FRMPD4: variants seen among roughly 807,000 people sequenced by gnomAD.
FRMPD4 encodes FERM and PDZ domain containing 4.
FRMPD4 carries 22 observed loss-of-function variants against 94.1 expected under a neutral mutation model. That is an observed-to-expected ratio of 0.23 (90% CI 0.17 to 0.33). The LOEUF is 0.33. Among genes scored for constraint, FRMPD4 ranks in the 10% least tolerant of loss-of-function variants. The pLI, the probability that FRMPD4 is intolerant of heterozygous loss-of-function variation, is 1.00. For synonymous variants in FRMPD4, 631 were observed against 548.6 expected (o/e 1.15, Z -2.10); for missense variants, 1,111 against 1,339.9 (o/e 0.83, Z 2.67).
intron 1 of FRMPD4, among the ~76,000 whole-genome samples, chrX:12,420,157 G>A (rs2056863820): frequency 9.0e-6 from 1 of 111,516 alleles, no homozygotes; most frequent in Non-Finnish European, 1.9e-5. Flanking sequence ...ACTCTGTCTA[G>A]TTGCCCATAC....
intron 3 of FRMPD4, among the ~76,000 whole-genome samples, chrX:11,900,045 A>C (rs1286234804): frequency 8.9e-6 from 1 of 112,124 alleles, no homozygotes; most frequent in African/African-American, 3.2e-5. Context: ...CTCCCTATGC[A>C]CAGGGCTTAC....
intron 3 of FRMPD4, among the ~76,000 whole-genome samples, chrX:11,993,633 C>T (rs1488547704): frequency 3.6e-5 from 4 of 112,437 alleles, no homozygotes; most frequent in Non-Finnish European, 5.6e-5. Context: ...ATTACTATGT[C>T]TATCTTGAGC....
chrX:12,418,483 T>C (rs769158780), intron 1 of FRMPD4, among the ~76,000 whole-genome samples: 1 of 106,979 alleles, frequency 9.3e-6, no homozygotes, highest in African/African-American at 3.4e-5. Flanking sequence ...CTCAGCCTCC[T>C]GAGTAGCTGG....
In FRMPD4 at chrX:12,410,997, C is replaced by G. The variant is rs150471040; in HGVS notation, c.42-87683C>G. On this transcript the variant is annotated intron_variant, in intron 1 of 16. Coordinates refer to ENST00000675598, the MANE Select transcript of FRMPD4 (RefSeq NM_001368397.1). ...TCCTAAAACTTCATCGCATTCAGAA[C>G]CCCTTCTGAGTGCCTTTTTGACTCA... Among the ~76,000 whole-genome samples, 6 of 111,924 alleles carry G rather than the reference C, an allele frequency of 5.4e-5. No homozygotes were observed. The East Asian group carries it at 1.7e-3, about 31-fold the overall frequency.
intron 1 of FRMPD4, among the ~76,000 whole-genome samples, chrX:12,329,481 C>A (rs989330196): frequency 1.8e-5 from 2 of 110,919 alleles, no homozygotes; most frequent in East Asian, 5.6e-4. Flanking sequence ...CAGAGAAAAA[C>A]CTTTTCTTCT....
intron 1 of FRMPD4, among the ~76,000 whole-genome samples, chrX:11,861,164 G>A (rs750207948): frequency 1.8e-4 from 20 of 111,473 alleles, no homozygotes; most frequent in Non-Finnish European, 3.6e-4. Flanking sequence ...TTGACACTGA[G>A]GTCTGAGATA....
At chrX:11,865,370 T>C (rs2053712330) in intron 2 of FRMPD4, among the ~76,000 whole-genome samples, 5 of 111,888 alleles carry the variant, frequency 4.5e-5, no homozygotes, top group Admixed American at 2.8e-4. Context: ...CATGAAAATA[T>C]GTTACCTTGT....
At position 11,970,450 on chromosome X, in the gene FRMPD4, T is replaced by G. The variant is rs758353468; in HGVS notation, c.95+92432T>G. ...ATCCATGCTCCGTCATTGGGGCAAA[T>G]ACACAATCACACTGACTCTACCTAG... On this transcript the variant is annotated intron_variant, in intron 3 of 18. Coordinates refer to the FRMPD4 transcript ENST00000640291. 8.9e-5 allele frequency among the ~76,000 whole-genome samples: 10 copies of G among 112,228 alleles called. No homozygotes were observed. The East Asian group carries it at 2.8e-3, about 31-fold the overall frequency.
chrX:12,203,125 C>T (rs148666249), intron 1 of FRMPD4, among the ~76,000 whole-genome samples: 1 of 112,020 alleles, frequency 8.9e-6, no homozygotes, highest in African/African-American at 3.2e-5. Flanking sequence ...TAGTGTTTCT[C>T]ATTCCCCTGG....
chrX:12,700,959 TAAG>T (rs1000190520), intron 9 of FRMPD4, among the ~76,000 whole-genome samples: 32 of 110,728 alleles, frequency 2.9e-4, no homozygotes, highest in Non-Finnish European at 5.7e-4. Context: ...CTGTGGCTGA[TAAG>T]GAGGAGGAGG....
chrX:12,645,741 T>C (rs2059542405), intron 4 of FRMPD4, among the ~76,000 whole-genome samples: 1 of 111,545 alleles, frequency 9.0e-6, no homozygotes, highest in Non-Finnish European at 1.9e-5. Flanking sequence ...CTTACCTAGT[T>C]GAAAATTAAT....
At position 12,086,921 on chromosome X, in the gene FRMPD4, A is replaced by AGGTCCCC. The variant is rs201631552; in HGVS notation, c.95+208904_95+208910dup. On this transcript the variant is annotated intron_variant, in intron 3 of 18. Coordinates refer to the FRMPD4 transcript ENST00000640291. ...ACTGTTTCTTGGTACTATAAGACTG[A>AGGTCCCC]GGTCCCCACTCTCTTGCTGGCTGTC... 5.7e-3 allele frequency among the ~76,000 whole-genome samples: 628 copies of AGGTCCCC among 111,132 alleles called. 15 individuals carry two copies. The highest frequency in any genetic ancestry group is 0.056 in the Admixed American group (589 of 10,428).
intron 2 of FRMPD4, among the ~76,000 whole-genome samples, chrX:11,873,508 C>A (rs1028742991): frequency 9.0e-6 from 1 of 110,613 alleles, no homozygotes; most frequent in Non-Finnish European, 1.9e-5. Context: ...GAATGTTACT[C>A]TTTGCTGCCC....
At chrX:12,266,631 C>A (rs1024502447) in intron 1 of FRMPD4, among the ~76,000 whole-genome samples, 1 of 111,879 alleles carries the variant, frequency 8.9e-6, no homozygotes, top group Non-Finnish European at 1.9e-5. Context: ...GCAAAGTTAC[C>A]TTACTCGGAC....
chrX:12,720,419 GC>G, intron 16 of FRMPD4, 114 bp from the exon 17 acceptor site: 1 of 746,820 alleles, frequency 1.3e-6, no homozygotes, highest in Non-Finnish European at 2.0e-6. Flanking sequence ...AGCATCGGCA[GC>G]CCTTCCAGAC....
At chrX:12,202,893 T>C (rs2056647197) in intron 1 of FRMPD4, among the ~76,000 whole-genome samples, 1 of 111,766 alleles carries the variant, frequency 8.9e-6, no homozygotes, top group South Asian at 3.8e-4. Context: ...CACCAGAAGC[T>C]ATTAATGGGA....
At chrX:12,576,887 G>A (rs1243106523) in intron 2 of FRMPD4, among the ~76,000 whole-genome samples, 1 of 112,004 alleles carries the variant, frequency 8.9e-6, no homozygotes, top group Non-Finnish European at 1.9e-5. Flanking sequence ...CATTCACTCT[G>A]AGGACAGTTT....
chrX:12,232,693 T>A (rs1242259105), intron 1 of FRMPD4, among the ~76,000 whole-genome samples: 2 of 111,728 alleles, frequency 1.8e-5, no homozygotes, highest in Admixed American at 1.9e-4. Context: ...AGAACTAAAT[T>A]GTGCTGTATG....
At chrX:12,306,102 A>AC (rs1481393646) in intron 1 of FRMPD4, among the ~76,000 whole-genome samples, 2 of 107,518 alleles carry the variant, frequency 1.9e-5, no homozygotes, top group Non-Finnish European at 3.8e-5. Context: ...AAAAAACAAA[A>AC]CCCCCCAAAA....
Sources: gnomAD v4.1 joint callset for allele counts (sites outside exome capture counted in the v4.1 genomes callset) on GRCh38, gnomAD v4.1.1 for gene constraint, MANE v1.5 for transcripts, NCBI Gene and HGNC (gene_info 2026-07-23, HGNC 2026-07-21) for gene names.